Variants in ZNF503 observed in about 807,000 individuals in gnomAD.
ZNF503 encodes zinc finger protein 503.
A neutral mutation model predicts 34.4 loss-of-function variants in ZNF503; 15 were observed. That is an observed-to-expected ratio of 0.44 (90% CI 0.29 to 0.67). ZNF503 has a LOEUF of 0.67. Ranked by LOEUF, ZNF503 falls within the 30% of genes least tolerant of loss-of-function variation. ZNF503 has a pLI of 0.13. For synonymous variants in ZNF503, 580 were observed against 456.8 expected, an observed-to-expected ratio of 1.27 and a Z score of -3.44; for missense variants, 1,007 against 926.8, an observed-to-expected ratio of 1.09 and a Z score of -1.12.
chr10:75,296,196 T>G, the ZNF503 span, among the ~76,000 whole-genome samples: 2 of 152,120 alleles, frequency 1.3e-5, no homozygotes, highest in African/African-American at 4.8e-5. Context: ...TGGAGAGGGG[T>G]CCCTGTCTCA....
At chr10:75,284,494 G>GA in the ZNF503 span, among the ~76,000 whole-genome samples, 2 of 152,138 alleles carry the variant, frequency 1.3e-5, no homozygotes, top group East Asian at 1.9e-4. Context: ...AGAAATAGAA[G>GA]AAAAAAATTC....
In ZNF503 at chr10:75,398,047, T is replaced by G. The variant is rs1017360127; in HGVS notation, c.*702A>C. 6.6e-6 allele frequency: 1 copy of G among 152,552 alleles called. No homozygotes were observed. The highest frequency in any genetic ancestry group is 2.4e-5 in the African/African-American group (1 of 41,420). 9.4% of individuals were successfully genotyped at this position (152,552 alleles called of 1,614,324 possible). ...TTTTCTTTTTTTTTTTGTTGTTTTC[T>G]TCCAGAATACATACAAAAAAATACC... is the stretch of plus-strand genomic sequence containing the variant. On this transcript the variant is annotated 3_prime_UTR_variant, in exon 2 of 2. Coordinates refer to ENST00000372524, the MANE Select transcript of ZNF503 (RefSeq NM_032772.6).
At chr10:75,329,013 C>A in the ZNF503 span, among the ~76,000 whole-genome samples, 3 of 152,272 alleles carry the variant, frequency 2.0e-5, no homozygotes, top group Admixed American at 6.5e-5. Context: ...TCCCAAAGTG[C>A]TGGGATTATA....
the ZNF503 span, among the ~76,000 whole-genome samples, chr10:75,321,468 A>G: frequency 6.6e-6 from 1 of 152,236 alleles, no homozygotes; most frequent in Non-Finnish European, 1.5e-5. Context: ...AGAAAGGAAC[A>G]TTAGGGAAAA....
At chr10:75,338,086 A>G in the ZNF503 span, among the ~76,000 whole-genome samples, 4 of 152,250 alleles carry the variant, frequency 2.6e-5, no homozygotes, top group Non-Finnish European at 4.4e-5. Flanking sequence ...CTCAGAGATC[A>G]AATGTTCCAG....
the ZNF503 span, among the ~76,000 whole-genome samples, chr10:75,323,861 G>A: frequency 5.3e-4 from 80 of 151,998 alleles, no homozygotes; most frequent in African/African-American, 1.7e-3. Context: ...AATTAGCCGG[G>A]CATGGTGGTG....
chr10:75,312,935 C>T, the ZNF503 span, among the ~76,000 whole-genome samples: 1 of 152,054 alleles, frequency 6.6e-6, no homozygotes, highest in Non-Finnish European at 1.5e-5. Context: ...GAATAAGTCT[C>T]GCGAAATCTG....
the ZNF503 span, among the ~76,000 whole-genome samples, chr10:75,334,387 C>T: frequency 2.6e-5 from 4 of 152,220 alleles, no homozygotes; most frequent in African/African-American, 4.8e-5. Context: ...GTATAAGTCA[C>T]CTAGAAGTCT....
At chr10:75,314,674 T>C in the ZNF503 span, among the ~76,000 whole-genome samples, 1 of 152,202 alleles carries the variant, frequency 6.6e-6, no homozygotes, top group African/African-American at 2.4e-5. Context: ...TGGGGAGAGA[T>C]ACGTACATCA....
At chr10:75,343,769 G>A in the ZNF503 span, among the ~76,000 whole-genome samples, 2 of 152,198 alleles carry the variant, frequency 1.3e-5, no homozygotes, top group Admixed American at 6.5e-5. Flanking sequence ...CCCATGCCTG[G>A]TGCCAGGCCT....
rs1178598759 is a variant in ZNF503 at position 75,401,535 on chromosome 10, C to A, written c.-116G>T. 1.5e-6 allele frequency: 2 copies of A among 1,304,098 alleles called. No individual in the cohort carries two copies. Among genetic ancestry groups the A allele is most frequent in the Non-Finnish European group, 2.1e-6 (2 of 966,294 alleles). 80.8% of individuals were successfully genotyped at this position (1,304,098 alleles called of 1,614,324 possible). A position where few individuals can be genotyped will look rare whatever the true frequency, so the allele number is the denominator to read the frequency against. On this transcript the variant is annotated 5_prime_UTR_variant, in exon 1 of 2. Coordinates refer to ENST00000372524, the MANE Select transcript of ZNF503 (RefSeq NM_032772.6). ...GCAGCGGGAGGAGGAGGAGCTGGCG[C>A]GGCGGCCACGGGCGCCCAGCGCGCC... is the stretch of plus-strand genomic sequence containing the variant.
the ZNF503 span, among the ~76,000 whole-genome samples, chr10:75,348,439 C>T: frequency 1.3e-5 from 2 of 150,936 alleles, no homozygotes; most frequent in Non-Finnish European, 2.9e-5. Flanking sequence ...CTCAAGTGAT[C>T]TGCCCACCTC....
chr10:75,331,328 G>T, the ZNF503 span, among the ~76,000 whole-genome samples: 1 of 152,244 alleles, frequency 6.6e-6, no homozygotes, highest in African/African-American at 2.4e-5. Flanking sequence ...TTGGCCTAAA[G>T]TGCAGTTAAA....
At chr10:75,290,322 G>A in the ZNF503 span, among the ~76,000 whole-genome samples, 1 of 152,178 alleles carries the variant, frequency 6.6e-6, no homozygotes, top group Non-Finnish European at 1.5e-5. Context: ...TTTGGTGAAT[G>A]ATGTTGGCTG....
chr10:75,334,588 G>T, the ZNF503 span, among the ~76,000 whole-genome samples: 5 of 152,138 alleles, frequency 3.3e-5, no homozygotes, highest in African/African-American at 1.2e-4. Flanking sequence ...TCTCATCTTG[G>T]ATCGGGCTGG....
At chr10:75,380,669 G>C in the ZNF503 span, among the ~76,000 whole-genome samples, 1 of 152,164 alleles carries the variant, frequency 6.6e-6, no homozygotes, top group African/African-American at 2.4e-5. Flanking sequence ...CTGCTTCCTC[G>C]AGATTCCGCC....
the ZNF503 span, among the ~76,000 whole-genome samples, chr10:75,329,459 C>CTTTCTTTT: frequency 4.4e-4 from 24 of 54,824 alleles, no homozygotes; most frequent in African/African-American, 8.6e-4. Flanking sequence ...TTCTTTCTTT[C>CTTTCTTTT]TCTTTCTTTC....
In ZNF503 at chr10:75,401,301, C is replaced by G. The variant is rs375353140; in HGVS notation, c.119G>C (p.Ser40Thr). The G allele has an allele frequency of 2.2e-5, 34 of 1,559,646 alleles. No homozygotes were observed. In the East Asian group the frequency reaches 3.6e-4, roughly 16 times the overall value. ...PAWTSALSGN[S>T]SGPGPGSSPA... ...GGACGAGCCTGGGCCGGGGCCGGAG[C>G]TATTTCCAGAGAGCGCGCTGGTCCA... The change falls in exon 1 of 2, where the codon AGC (serine) becomes ACC (threonine). Residue 40 changes from serine (S) to threonine (T), a missense_variant. Physicochemically the swap from Ser to Thr is moderately conservative, Grantham distance 58. Transcript: ENST00000372524.
the ZNF503 span, among the ~76,000 whole-genome samples, chr10:75,307,597 C>G: frequency 5.3e-5 from 8 of 152,312 alleles, no homozygotes; most frequent in East Asian, 1.5e-3. Context: ...AGATTTTCAA[C>G]ATAGATGAAA....
Sources: allele counts gnomAD v4.1 joint callset (sites outside exome capture counted in the v4.1 genomes callset), GRCh38; gene constraint gnomAD v4.1.1; transcripts MANE v1.5; gene names NCBI Gene and HGNC (gene_info 2026-07-23, HGNC 2026-07-21).